The following COLEC12 variants were observed in gnomAD, a reference collection of about 807,000 sequenced individuals.
COLEC12 encodes the protein collectin subfamily member 12.
A neutral mutation model predicts 71.1 loss-of-function variants in COLEC12; 33 were observed. That is an observed-to-expected ratio of 0.46 (90% CI 0.35 to 0.62). COLEC12 has a LOEUF of 0.62. COLEC12 is among the 20% of genes least tolerant of loss of function. The pLI is 0.00. For missense variants in COLEC12, 765 were observed against 916.1 expected, an observed-to-expected ratio of 0.84 and a Z score of 2.13; for synonymous variants, 350 against 353.0, an observed-to-expected ratio of 0.99 and a Z score of 0.10.
At chr18:497,856 C>T (rs143997992) in intron 1 of COLEC12, among the ~76,000 whole-genome samples, 113 of 152,348 alleles carry the variant, frequency 7.4e-4, no homozygotes, top group African/African-American at 2.5e-3. Flanking sequence ...GGCAAATGGT[C>T]AAAACAATTC....
chr18:347,316 G>C lies in COLEC12; in HGVS notation c.306C>G (p.Ile102Met), dbSNP rs1163667254. ...KLGDQTGKKA[I>M]STNSELSTFR... is the part of the protein sequence containing the mutation. ...AGGTGGAGAGTTCTGAGTTGGTGCT[G>C]ATAGCTTTCTTCCCAGTTTGGTCAC... The change falls in exon 5 of 10, where the codon ATC becomes ATG. Residue 102 changes from isoleucine (I) to methionine (M), a missense_variant. Coordinates refer to ENST00000400256, the MANE Select transcript of COLEC12 (RefSeq NM_130386.3). 1 of 1,611,684 alleles carries C rather than the reference G, an allele frequency of 6.2e-7. No individual in the cohort carries two copies. Among genetic ancestry groups the C allele is most frequent in the African/African-American group, 1.3e-5 (1 of 74,822 alleles).
At chr18:429,501 C>A (rs1392676528) in intron 2 of COLEC12, among the ~76,000 whole-genome samples, 1 of 152,004 alleles carries the variant, frequency 6.6e-6, no homozygotes, top group African/African-American at 2.4e-5. Context: ...CCTGCCTCAG[C>A]CTCCTGAGTA....
chr18:350,800 C>T (rs192464424), intron 3 of COLEC12, among the ~76,000 whole-genome samples: 23 of 151,906 alleles, frequency 1.5e-4, no homozygotes, highest in South Asian at 2.1e-4. Flanking sequence ...TGGTGGTACA[C>T]GCCTGTAACC....
At chr18:483,853 T>C (rs1199603985) in intron 1 of COLEC12, among the ~76,000 whole-genome samples, 1 of 152,216 alleles carries the variant, frequency 6.6e-6, no homozygotes, top group African/African-American at 2.4e-5. Flanking sequence ...AATAAACACA[T>C]GCTTACAGCC....
intron 2 of COLEC12, among the ~76,000 whole-genome samples, chr18:403,672 T>G (rs1441975308): frequency 6.6e-6 from 1 of 152,234 alleles, no homozygotes; most frequent in African/African-American, 2.4e-5. Flanking sequence ...AATTGGTTAT[T>G]AAAGCTGTAC....
chr18:393,898 G>GCAC (rs1346948525), intron 2 of COLEC12, among the ~76,000 whole-genome samples: 1 of 152,266 alleles, frequency 6.6e-6, no homozygotes, highest in East Asian at 1.9e-4. Flanking sequence ...TCCTGTTCCA[G>GCAC]CACCAACATG....
intron 8 of COLEC12, among the ~76,000 whole-genome samples, chr18:325,434 A>G (rs532079825): frequency 1.3e-5 from 2 of 152,026 alleles, no homozygotes; most frequent in African/African-American, 4.8e-5. Context: ...TAAGGTGGGC[A>G]ACTGCAAGCA....
At chr18:486,583 C>G (rs1254481970) in intron 1 of COLEC12, among the ~76,000 whole-genome samples, 1 of 152,158 alleles carries the variant, frequency 6.6e-6, no homozygotes, top group African/African-American at 2.4e-5. Context: ...GTGGCCAGAT[C>G]AAGAGGAAGA....
chr18:399,163 C>A lies in COLEC12; in HGVS notation c.59-41641G>T, dbSNP rs4798133. Among the ~76,000 whole-genome samples, 36,264 of 152,090 alleles carry A rather than the reference C, an allele frequency of 0.24. 4,609 individuals are homozygous for A. The highest frequency in any genetic ancestry group is 0.32 in the Admixed American group (4,909 of 15,270). On this transcript the variant is annotated intron_variant, in intron 2 of 9. Coordinates refer to ENST00000400256, the MANE Select transcript of COLEC12 (RefSeq NM_130386.3). The surrounding 1 kb of genome is among the most constrained non-coding windows in gnomAD (Gnocchi z 4.0). ...AGGAACCAAAAACAACACAAAAAAA[C>A]CCCAATCTGAAACACTATCCAAAAA...
At position 326,660 on chromosome 18, in the gene COLEC12, G is replaced by GT. The variant is rs1598325823; in HGVS notation, c.2064-4854_2064-4853insA. On this transcript the variant is annotated intron_variant, in intron 8 of 9. Transcript: ENST00000400256. ...CACCATGCCTGGCCTGATAGTTTTG[G>GT]CTTTTTTTTAAATTTATTGAGACGT... 5.9e-5 allele frequency among the ~76,000 whole-genome samples: 9 copies of GT among 151,738 alleles called. No individual in the cohort carries two copies. In the South Asian group the frequency reaches 1.3e-3, roughly 21 times the overall value.
intron 1 of COLEC12, among the ~76,000 whole-genome samples, chr18:490,647 C>T (rs1034818024): frequency 6.6e-6 from 1 of 152,128 alleles, no homozygotes; most frequent in Non-Finnish European, 1.5e-5. Flanking sequence ...AAAATAAAAG[C>T]ATTCAGGTCC....
intron 2 of COLEC12, among the ~76,000 whole-genome samples, chr18:459,750 C>T (rs142178651): frequency 9.2e-5 from 14 of 152,344 alleles, no homozygotes; most frequent in South Asian, 2.1e-4. Flanking sequence ...CCATGCCTCT[C>T]AGCTATGAGA....
chr18:496,863 A>C (rs2143799138), intron 1 of COLEC12, among the ~76,000 whole-genome samples: 1 of 152,264 alleles, frequency 6.6e-6, no homozygotes, highest in South Asian at 2.1e-4. Flanking sequence ...ACTAACCAAT[A>C]TCCCCAACTT....
chr18:431,042 G>A (rs1053130993), intron 2 of COLEC12, among the ~76,000 whole-genome samples: 3 of 152,026 alleles, frequency 2.0e-5, no homozygotes, highest in Non-Finnish European at 4.4e-5. Context: ...GCCCAGGCTG[G>A]AGTGCAGTGG....
At chr18:387,322 G>A (rs1415392573) in intron 2 of COLEC12, among the ~76,000 whole-genome samples, 2 of 152,156 alleles carry the variant, frequency 1.3e-5, no homozygotes, top group African/African-American at 4.8e-5. Flanking sequence ...ATATGGCAGT[G>A]AGCAGAAGCG....
Position 325,627 on chromosome 18 carries a change from C to CTTTTTTTTTTTTTTTTTTTTTTTTT in COLEC12, c.2064-3845_2064-3821dup, listed in dbSNP as rs760407917. 7.7e-5 allele frequency among the ~76,000 whole-genome samples: 4 copies of CTTTTTTTTTTTTTTTTTTTTTTTTT among 51,834 alleles called. 1 individual carries two copies. Among genetic ancestry groups the CTTTTTTTTTTTTTTTTTTTTTTTTT allele is most frequent in the African/African-American group, 1.7e-4 (2 of 11,690 alleles). The allele number at this position is 51,834 out of a possible 152,430, so 34.0% of individuals were successfully genotyped here. The stretch of plus-strand genomic sequence containing the variant: ...TTACACCAAGAGTAAAAGGATCAGC[C>CTTTTTTTTTTTTTTTTTTTTTTTTT]TTTTTTTTTTTTTTTTTTTTTTTTT... On this transcript the variant is annotated intron_variant, in intron 8 of 9. Transcript: ENST00000400256.
chr18:409,233 T>G (rs565808683), intron 2 of COLEC12, among the ~76,000 whole-genome samples: 19 of 152,310 alleles, frequency 1.2e-4, no homozygotes, highest in African/African-American at 4.1e-4. Flanking sequence ...TGCAAATGGT[T>G]TAGGCTGTAA....
intron 3 of COLEC12, among the ~76,000 whole-genome samples, chr18:350,260 T>TGGTCTTATCAG (rs2079126256): frequency 6.6e-6 from 1 of 152,186 alleles, no homozygotes; most frequent in Non-Finnish European, 1.5e-5. Flanking sequence ...CGAGATCTGA[T>TGGTCTTATCAG]GGGTTTCCAC....
intron 2 of COLEC12, among the ~76,000 whole-genome samples, chr18:462,870 G>A (rs889038047): frequency 3.3e-5 from 5 of 152,128 alleles, no homozygotes; most frequent in South Asian, 2.1e-4. Context: ...AAGCCTATAC[G>A]TTTCTTTTAC....
Sources: gnomAD v4.1 joint callset for allele counts (sites outside exome capture counted in the v4.1 genomes callset) on GRCh38, gnomAD v4.1.1 for gene constraint, Gnocchi (gnomAD v3.1) non-coding constraint, MANE v1.5 for transcripts, NCBI Gene and HGNC (gene_info 2026-07-23, HGNC 2026-07-21) for gene names.